UPF2: variants seen among roughly 807,000 people sequenced by gnomAD.
UPF2 encodes UPF2 regulator of nonsense mediated mRNA decay, also known as regulator of nonsense transcripts 2.
Under a neutral mutation model 141.4 loss-of-function variants are expected in UPF2, and 17 were observed. The ratio of observed to expected loss-of-function variants is 0.12; its 90% CI spans 0.08 to 0.18. The LOEUF (loss-of-function observed/expected upper bound fraction) is 0.18, where lower values mean the gene tolerates loss of function less well. Ranked by LOEUF, UPF2 falls within the 10% of genes least tolerant of loss-of-function variation. The pLI is 1.00. For synonymous variants in UPF2, 540 were observed against 498.0 expected (o/e 1.08, Z -1.12); for missense variants, 1,152 against 1,515.9 (o/e 0.76, Z 3.99).
Position 11,985,884 on chromosome 10 carries a change from C to CTTTTTT in UPF2, c.1845-6725_1845-6720dup, listed in dbSNP as rs746117868. On this transcript the variant is annotated intron_variant, in intron 8 of 21. Coordinates refer to ENST00000357604, the MANE Select transcript of UPF2 (RefSeq NM_015542.4). ...CAACTGAAAAATAATTAGATCCTTC[C>CTTTTTT]TTTTTTTTTTTTTTTTGTGAGACGG... Among the ~76,000 whole-genome samples, 18 of 100,718 alleles carry CTTTTTT rather than the reference C, an allele frequency of 1.8e-4. 2 individuals carry two copies. Among genetic ancestry groups the CTTTTTT allele is most frequent in the Admixed American group, 2.8e-4 (2 of 7,248 alleles). 66.1% of individuals were successfully genotyped at this position (100,718 alleles called of 152,430 possible). A position where few individuals can be genotyped will look rare whatever the true frequency, so the allele number is the denominator to read the frequency against.
chr10:11,928,049 A>G (rs1420856329), intron 21 of UPF2, among the ~76,000 whole-genome samples: 1 of 152,208 alleles, frequency 6.6e-6, no homozygotes, highest in Non-Finnish European at 1.5e-5. Flanking sequence ...TGAGATCAGT[A>G]AGGGCAGCAG....
Position 11,957,428 on chromosome 10 carries a change from CAAACAA to C in UPF2, c.2371-911_2371-906del, listed in dbSNP as rs528555982. On this transcript the variant is annotated intron_variant, in intron 12 of 21. Transcript: ENST00000357604. Reference sequence around the variant, plus strand: ...TGGGTGACAGAGCGAGACTCCATCTCAAACAAAAACAAAAACAAAAACCCAAGGTTT... The same window carrying C: ...TGGGTGACAGAGCGAGACTCCATCTCAAACAAAAACAAAAACCCAAGGTTT... 2.4e-3 allele frequency among the ~76,000 whole-genome samples: 367 copies of C among 151,852 alleles called. 1 individual carries two copies. The highest frequency in any genetic ancestry group is 7.7e-3 in the African/African-American group (321 of 41,474).
At chr10:11,951,700 A>C (rs1389500391) in intron 15 of UPF2, among the ~76,000 whole-genome samples, 1 of 152,220 alleles carries the variant, frequency 6.6e-6, no homozygotes, top group African/African-American at 2.4e-5. Flanking sequence ...TTTCTAGGAA[A>C]TAATGCCTGT....
intron 10 of UPF2, among the ~76,000 whole-genome samples, 198 bp from the exon 11 acceptor site, chr10:11,964,323 C>T (rs965362048): frequency 2.0e-5 from 3 of 152,168 alleles, no homozygotes; most frequent in Non-Finnish European, 4.4e-5. Flanking sequence ...TGACGTCTTT[C>T]ACAGAAAGAT....
chr10:11,946,206 C>G (rs1029078082), intron 16 of UPF2, among the ~76,000 whole-genome samples: 12 of 152,100 alleles, frequency 7.9e-5, no homozygotes, highest in African/African-American at 2.7e-4. Flanking sequence ...TAACTAATAG[C>G]AAAGCAATTT....
At chr10:11,943,029 C>T (rs745748730) in intron 17 of UPF2, 35 bp downstream of exon 17, 1 of 1,491,092 alleles carries the variant, frequency 6.7e-7, no homozygotes, top group Non-Finnish European at 9.3e-7. Flanking sequence ...AAATGCTGCA[C>T]AATTTCAAAA....
rs765879988 is a variant in UPF2 at position 11,956,201 on chromosome 10, T to A, written c.2574+119A>T. ...ACAGGAAATTCTTATAAAATGATTA[T>A]CAGCTTTTTCTAACTAATAAATTTA... On this transcript the variant is annotated intron_variant, in intron 13 of 21. Coordinates refer to ENST00000357604, the MANE Select transcript of UPF2 (RefSeq NM_015542.4). The surrounding 1 kb of genome is among the most constrained non-coding windows in gnomAD (Gnocchi z 4.2). 16 of 920,766 alleles carry A rather than the reference T, an allele frequency of 1.7e-5. No individual in the cohort carries two copies. The highest frequency in any genetic ancestry group is 2.0e-5 in the Non-Finnish European group (12 of 604,082). 57.0% of individuals were successfully genotyped at this position (920,766 alleles called of 1,614,324 possible).
In UPF2 at chr10:11,939,617, T is replaced by G. The variant is rs74453507; in HGVS notation, c.3379-2905A>C. ...GCAACCTCCACCTCCCAGGTTCAAG[T>G]GATTCTCCTGACTCAGCCTCCTGAG... On this transcript the variant is annotated intron_variant, in intron 18 of 21. Transcript: ENST00000357604. The surrounding 1 kb of genome is among the most constrained non-coding windows in gnomAD (Gnocchi z 4.8). 1.3e-5 allele frequency among the ~76,000 whole-genome samples: 2 copies of G among 151,856 alleles called. No homozygotes were observed. Among genetic ancestry groups the G allele is most frequent in the Non-Finnish European group, 2.9e-5 (2 of 67,974 alleles).
chr10:11,932,733 T>G (rs988998888), intron 19 of UPF2, among the ~76,000 whole-genome samples: 13 of 152,274 alleles, frequency 8.5e-5, no homozygotes, highest in African/African-American at 3.1e-4. Flanking sequence ...CAAACTAAAT[T>G]TCCTGAACAT....
Position 12,014,084 on chromosome 10 carries a change from A to G in UPF2, c.1246T>C (p.Leu416=). The G allele has an allele frequency of 1.9e-6, 3 of 1,600,916 alleles. No individual in the cohort carries two copies. The highest frequency in any genetic ancestry group is 2.6e-6 in the Non-Finnish European group (3 of 1,172,962). The part of the protein sequence containing the change: ...YQKLLANSQS[L]ADLLDENMPD... ...ATATTTTCATCCAAAAGGTCTGCTAAGGATTGAGAATTTGCCAGCAGCTTC... is the reference window on the plus strand; with the variant it reads ...ATATTTTCATCCAAAAGGTCTGCTAGGGATTGAGAATTTGCCAGCAGCTTC... The change falls in exon 4 of 22, where the codon TTA becomes CTA. Residue 416 remains leucine (L), a synonymous_variant. Coordinates refer to ENST00000357604, the MANE Select transcript of UPF2 (RefSeq NM_015542.4). This position sits in a 1 kb window ranked among gnomAD's most constrained non-coding sequence, Gnocchi z 5.0.
At chr10:11,970,553 T>C (rs570317637) in intron 9 of UPF2, among the ~76,000 whole-genome samples, 50 of 152,334 alleles carry the variant, frequency 3.3e-4, no homozygotes, top group African/African-American at 1.1e-3. Flanking sequence ...GGCTCACACT[T>C]GTGATCACAG....
rs764894106 is a variant in UPF2, at chr10:11,948,560, T to C, written c.3035-52A>G. 3.1e-6 allele frequency: 5 copies of C among 1,591,120 alleles called. No homozygotes were observed. In the African/African-American group the frequency reaches 5.4e-5, roughly 17 times the overall value. Reference sequence around the variant, plus strand: ...AAATACATTAAAAATAGACACAGGCTAGTTTTCTACACTATACCAATTCAT... The same window carrying C: ...AAATACATTAAAAATAGACACAGGCCAGTTTTCTACACTATACCAATTCAT... On this transcript the variant is annotated intron_variant, in intron 15 of 21. Transcript: ENST00000357604.
rs771084400 is a variant in UPF2, at chr10:11,959,461, T to C, written c.2185-105A>G. The C allele has an allele frequency of 6.9e-5, 88 of 1,277,788 alleles. No homozygotes were observed. Among genetic ancestry groups the C allele is most frequent in the Non-Finnish European group, 9.0e-5 (86 of 957,102 alleles). 79.2% of individuals were successfully genotyped at this position (1,277,788 alleles called of 1,614,324 possible). On this transcript the variant is annotated intron_variant, in intron 11 of 21. Transcript: ENST00000357604. The surrounding 1 kb of genome is among the most constrained non-coding windows in gnomAD (Gnocchi z 5.9). ...GATTTGCTATTTCAAAGTAATGGGT[T>C]AGAAAGGCAAAGAAAGGACTGGGCA... is the stretch of plus-strand genomic sequence containing the variant.
intron 3 of UPF2, among the ~76,000 whole-genome samples, chr10:12,020,249 TA>T (rs201701919): frequency 2.0e-4 from 30 of 151,634 alleles, no homozygotes; most frequent in East Asian, 1.5e-3. Flanking sequence ...AAATAAATTT[TA>T]TTTTTTTTTT....
intron 10 of UPF2, among the ~76,000 whole-genome samples, 191 bp from the exon 11 acceptor site, chr10:11,964,316 C>T (rs1400002961): frequency 2.0e-5 from 3 of 152,136 alleles, no homozygotes; most frequent in Non-Finnish European, 2.9e-5. Flanking sequence ...ATATATTTGA[C>T]GTCTTTCACA....
Position 11,970,139 on chromosome 10 carries a change from T to G in UPF2, c.1954-2685A>C, listed in dbSNP as rs564678898. ...GTCATATAAACTCCCTGAGCCTGTC[T>G]GCCCACTTGGTAAAGTAAGGATAAT... is the stretch of plus-strand genomic sequence containing the variant. On this transcript the variant is annotated intron_variant, in intron 9 of 21. Coordinates refer to ENST00000357604, the MANE Select transcript of UPF2 (RefSeq NM_015542.4). Among the ~76,000 whole-genome samples the G allele has an allele frequency of 2.0e-5, 3 of 152,334 alleles. No homozygotes were observed. In the South Asian group the frequency reaches 6.2e-4, roughly 32 times the overall value.
At chr10:12,006,957 T>G (rs1340563209) in intron 4 of UPF2, among the ~76,000 whole-genome samples, 1 of 152,134 alleles carries the variant, frequency 6.6e-6, no homozygotes, top group Non-Finnish European at 1.5e-5. Context: ...CACCCACCCA[T>G]CTGTGAAGCA....
chr10:12,034,427 A>G (rs1342064537), intron 2 of UPF2, among the ~76,000 whole-genome samples: 1 of 151,974 alleles, frequency 6.6e-6, no homozygotes, highest in Non-Finnish European at 1.5e-5. Context: ...GGTTCAAGCG[A>G]TTCTCCTACT....
intron 18 of UPF2, among the ~76,000 whole-genome samples, chr10:11,937,560 G>A (rs188421923): frequency 3.1e-4 from 47 of 152,278 alleles, no homozygotes; most frequent in Non-Finnish European, 5.4e-4. Flanking sequence ...AATGCGGAGG[G>A]AATCGAGGCA....
Sources: allele counts gnomAD v4.1 joint callset (sites outside exome capture counted in the v4.1 genomes callset), GRCh38; gene constraint gnomAD v4.1.1; non-coding constraint Gnocchi (gnomAD v3.1); transcripts MANE v1.5; gene names NCBI Gene and HGNC (gene_info 2026-07-23, HGNC 2026-07-21).